Variants in KMT2C observed in about 807,000 individuals in gnomAD.
KMT2C encodes the protein lysine methyltransferase 2C.
A neutral mutation model predicts 507.9 loss-of-function variants in KMT2C; 88 were observed. The observed-to-expected ratio is 0.17, with a 90% CI of 0.15 to 0.21. KMT2C has a LOEUF of 0.21. Ranked by LOEUF, KMT2C falls within the 10% of genes least tolerant of loss-of-function variation. The pLI, the probability that KMT2C is intolerant of heterozygous loss-of-function variation, is 1.00. For synonymous variants in KMT2C, 2,049 were observed against 2,080.8 expected (o/e 0.98, Z 0.42); for missense variants, 4,954 against 5,957.8 (o/e 0.83, Z 5.55).
intron 39 of KMT2C, among the ~76,000 whole-genome samples, chr7:152,173,616 G>A (rs1055970482): frequency 2.0e-5 from 3 of 152,156 alleles, no homozygotes; most frequent in East Asian, 1.9e-4. Context: ...TCTTTAATGC[G>A]TAATTTCTGT....
At chr7:152,152,343 C>T (rs148753528) in intron 49 of KMT2C, among the ~76,000 whole-genome samples, 1 of 152,174 alleles carries the variant, frequency 6.6e-6, no homozygotes, top group Non-Finnish European at 1.5e-5. Flanking sequence ...AAACAGAACC[C>T]ACGTCAGGTC....
chr7:152,230,261 C>T lies in KMT2C; in HGVS notation c.2830G>A (p.Val944Ile), dbSNP rs964840249. Reference protein sequence around the residue: ...DDEENSMHNTVVLFSSSDKFT... With the variant: ...DDEENSMHNTIVLFSSSDKFT... ...TTGTCACTGCTAGAAAACAACACAA[C>T]TGTATTGTGCATAGAGTTTTCTTCA... Residue 944 changes from valine (V) to isoleucine (I), a missense_variant, in exon 17 of 59, where the codon GTT becomes ATT. Physicochemically the swap from Val to Ile is conservative, Grantham distance 29. Transcript: ENST00000262189. 6.2e-7 allele frequency: 1 copy of T among 1,606,092 alleles called. No individual in the cohort carries two copies. Among genetic ancestry groups the T allele is most frequent in the Non-Finnish European group, 8.5e-7 (1 of 1,176,698 alleles).
At chr7:152,410,965 T>C (rs2097676158) in intron 1 of KMT2C, among the ~76,000 whole-genome samples, 1 of 152,104 alleles carries the variant, frequency 6.6e-6, no homozygotes, top group South Asian at 2.1e-4. Context: ...ATCTCACTCC[T>C]GCACTTCAGC....
chr7:152,159,479 AG>A (rs2092313371), intron 43 of KMT2C, among the ~76,000 whole-genome samples: 1 of 152,184 alleles, frequency 6.6e-6, no homozygotes, highest in Non-Finnish European at 1.5e-5. Flanking sequence ...GGTTCCCCTT[AG>A]GAACTAGTGA....
intron 22 of KMT2C, 81 bp from the exon 23 acceptor site, chr7:152,220,816 C>T (rs2094741587): frequency 2.0e-6 from 2 of 1,006,396 alleles, no homozygotes; most frequent in Non-Finnish European, 3.1e-6. Context: ...ATACCCATGT[C>T]AAGGGAATGT....
At chr7:152,290,151 C>A (rs2129185407) in intron 6 of KMT2C, among the ~76,000 whole-genome samples, 3 of 149,822 alleles carry the variant, frequency 2.0e-5, no homozygotes, top group Middle Eastern at 6.9e-3. Context: ...ACTTAGTAAT[C>A]TTATAAAATC....
At chr7:152,161,183 T>G (rs1463048625) in intron 43 of KMT2C, among the ~76,000 whole-genome samples, 1 of 152,116 alleles carries the variant, frequency 6.6e-6, no homozygotes, top group Non-Finnish European at 1.5e-5. Flanking sequence ...CCAGTAAAAT[T>G]TACAAAAATT....
intron 6 of KMT2C, among the ~76,000 whole-genome samples, chr7:152,309,208 T>C (rs1310045550): frequency 6.6e-6 from 1 of 152,112 alleles, no homozygotes; most frequent in African/African-American, 2.4e-5. Context: ...AGTGCAAAAT[T>C]TTCATTTCTA....
intron 41 of KMT2C, among the ~76,000 whole-genome samples, chr7:152,168,538 A>C (rs949167554): frequency 6.6e-6 from 1 of 152,234 alleles, no homozygotes. Context: ...AGATTTCAGA[A>C]GTTCTGCTTC....
chr7:152,335,367 C>A (rs1391063863), intron 2 of KMT2C, among the ~76,000 whole-genome samples: 1 of 152,158 alleles, frequency 6.6e-6, no homozygotes, highest in African/African-American at 2.4e-5. Context: ...ATTCTTACTA[C>A]TGGGTAACAA....
chr7:152,233,807 A>T (rs1191855894), intron 16 of KMT2C, among the ~76,000 whole-genome samples: 1 of 152,208 alleles, frequency 6.6e-6, no homozygotes, highest in Admixed American at 6.5e-5. Context: ...AGAGACAGAT[A>T]ACCTAAATAG....
chr7:152,369,943 G>C (rs1233354406), intron 1 of KMT2C, among the ~76,000 whole-genome samples: 1 of 152,180 alleles, frequency 6.6e-6, no homozygotes, highest in African/African-American at 2.4e-5. Flanking sequence ...TGGGTGCGGT[G>C]GCTCATGCCT....
At chr7:152,203,817 T>A (rs1037487031) in intron 25 of KMT2C, among the ~76,000 whole-genome samples, 4 of 152,140 alleles carry the variant, frequency 2.6e-5, no homozygotes, top group Admixed American at 6.5e-5. Context: ...AAACATTTTT[T>A]ACAACAATCT....
In KMT2C at chr7:152,162,503, C is replaced by T. The variant is rs780489514; in HGVS notation, c.11074G>A (p.Ala3692Thr). 1.8e-5 allele frequency: 29 copies of T among 1,614,056 alleles called. No individual in the cohort carries two copies. The East Asian group carries it at 6.2e-4, about 35-fold the overall frequency. The change falls in exon 43 of 59, where the codon GCA (alanine) becomes ACA (threonine). Residue 3692 changes from alanine (A) to threonine (T), a missense_variant. Coordinates refer to ENST00000262189, the MANE Select transcript of KMT2C (RefSeq NM_170606.3). ...GCATACGTCTGTTGATTTGGAGTTG[C>T]TTGTGAGAAATCACTATTGGGCAGT... ...NKLPNSDFSQ[A>T]TPNQQTYANS...
At chr7:152,366,892 G>A (rs970367418) in intron 1 of KMT2C, 2 of 397,708 alleles carry the variant, frequency 5.0e-6, no homozygotes, top group Non-Finnish European at 9.1e-6. Context: ...GGCCAGACGC[G>A]GCGCGAGCTG....
At chr7:152,234,382 CAAAA>C (rs1365394739) in intron 16 of KMT2C, among the ~76,000 whole-genome samples, 1 of 150,950 alleles carries the variant, frequency 6.6e-6, no homozygotes, top group Non-Finnish European at 1.5e-5. Flanking sequence ...AACTCTATCT[CAAAA>C]GAAAGAAGAA....
Position 152,273,152 on chromosome 7 carries a change from T to C in KMT2C, c.1012+553A>G, listed in dbSNP as rs1300619539. Among the ~76,000 whole-genome samples, 17 of 152,196 alleles carry C rather than the reference T, an allele frequency of 1.1e-4. 1 individual carries two copies. The highest frequency in any genetic ancestry group is 1.1e-3 in the Admixed American group (17 of 15,282). Reference sequence around the variant, plus strand: ...ACATTTTCATTGAATTATAAAATACTATTTGGAAAAGAAAAACAGCACAAC... The same window carrying C: ...ACATTTTCATTGAATTATAAAATACCATTTGGAAAAGAAAAACAGCACAAC... On this transcript the variant is annotated intron_variant, in intron 7 of 58. Coordinates refer to ENST00000262189, the MANE Select transcript of KMT2C (RefSeq NM_170606.3).
At chr7:152,188,738 T>G (rs566282860) in intron 31 of KMT2C, among the ~76,000 whole-genome samples, 145 of 151,330 alleles carry the variant, frequency 9.6e-4, no homozygotes, top group Non-Finnish European at 1.7e-3. Flanking sequence ...GCCTCCTGAG[T>G]AGTTGGAATC....
chr7:152,227,891 A>G (rs1220496420), intron 18 of KMT2C, among the ~76,000 whole-genome samples: 1 of 152,198 alleles, frequency 6.6e-6, no homozygotes, highest in Non-Finnish European at 1.5e-5. Flanking sequence ...GAGTACAAAG[A>G]CACTGGTGAA....
Sources: gnomAD v4.1 joint callset for allele counts (sites outside exome capture counted in the v4.1 genomes callset) on GRCh38, gnomAD v4.1.1 for gene constraint, MANE v1.5 for transcripts, NCBI Gene and HGNC (gene_info 2026-07-23, HGNC 2026-07-21) for gene names.